ACTN1: variants seen among roughly 807,000 people sequenced by gnomAD.
ACTN1 encodes the protein actinin alpha 1.
A neutral mutation model predicts 119.6 loss-of-function variants in ACTN1; 30 were observed. The ratio of observed to expected loss-of-function variants is 0.25; its 90% CI spans 0.19 to 0.34. The LOEUF is 0.34. Among genes scored for constraint, ACTN1 ranks in the 10% least tolerant of loss-of-function variants. The probability of loss-of-function intolerance (pLI) is 1.00; values close to 1 mark genes in which losing one functional copy is unlikely to be tolerated. For synonymous variants in ACTN1, 429 were observed against 472.6 expected (o/e 0.91, Z 1.20); for missense variants, 764 against 1,223.4 (o/e 0.62, Z 5.60).
At chr14:68,975,229 C>T (rs181120749) in intron 1 of ACTN1, among the ~76,000 whole-genome samples, 11 of 152,298 alleles carry the variant, frequency 7.2e-5, no homozygotes, top group Admixed American at 2.0e-4. Context: ...CACTTGCCAA[C>T]GCTGCCTCTC....
At chr14:68,973,001 G>T (rs2036939784) in intron 1 of ACTN1, among the ~76,000 whole-genome samples, 1 of 152,242 alleles carries the variant, frequency 6.6e-6, no homozygotes, top group African/African-American at 2.4e-5. Context: ...GCCAGTTGGG[G>T]TCATGAACGT....
At position 68,904,833 on chromosome 14, in the gene ACTN1, C is replaced by T. The variant is rs1167935006; in HGVS notation, c.595-97G>A. Reference sequence around the variant, plus strand: ...TGGCCACCCAAACTGGGGAGCAGAGCGACTTTCTCCCAGCCCCAGCTCGAT... The same window carrying T: ...TGGCCACCCAAACTGGGGAGCAGAGTGACTTTCTCCCAGCCCCAGCTCGAT... On this transcript the variant is annotated intron_variant, in intron 6 of 21. Transcript: ENST00000394419. The T allele has an allele frequency of 5.1e-6, 5 of 975,128 alleles. No individual in the cohort carries two copies. In the East Asian group the frequency reaches 7.4e-5, roughly 14 times the overall value. The allele number at this position is 975,128 out of a possible 1,614,324, so 60.4% of individuals were successfully genotyped here.
intron 3 of ACTN1, among the ~76,000 whole-genome samples, chr14:68,919,418 T>TA (rs1274034960): frequency 1.3e-5 from 2 of 152,236 alleles, no homozygotes; most frequent in Non-Finnish European, 2.9e-5. Context: ...CCTGCTTAGT[T>TA]ATAACTTTTT....
At chr14:68,905,061 T>C (rs1384578035) in intron 6 of ACTN1, among the ~76,000 whole-genome samples, 1 of 152,220 alleles carries the variant, frequency 6.6e-6, no homozygotes, top group Non-Finnish European at 1.5e-5. Flanking sequence ...TCACCATCCA[T>C]CCTGGCTTCT....
At chr14:68,955,582 CAG>C (rs1315299472) in intron 1 of ACTN1, among the ~76,000 whole-genome samples, 1 of 152,174 alleles carries the variant, frequency 6.6e-6, no homozygotes, top group African/African-American at 2.4e-5. Flanking sequence ...GGAAACCAAA[CAG>C]AGTTGGGCAG....
At chr14:68,952,899 C>A (rs981317748) in intron 1 of ACTN1, among the ~76,000 whole-genome samples, 2 of 152,110 alleles carry the variant, frequency 1.3e-5, no homozygotes, top group Admixed American at 1.3e-4. Context: ...AAGCAGGGCA[C>A]GGGCAGATTT....
chr14:68,946,610 G>T (rs1191626462), intron 1 of ACTN1, among the ~76,000 whole-genome samples: 3 of 152,092 alleles, frequency 2.0e-5, no homozygotes, highest in Non-Finnish European at 4.4e-5. Flanking sequence ...CCGCGCCTAC[G>T]CTCTGACACC....
At chr14:68,976,798 C>T (rs1360745115) in intron 1 of ACTN1, among the ~76,000 whole-genome samples, 1 of 152,174 alleles carries the variant, frequency 6.6e-6, no homozygotes, top group Admixed American at 6.5e-5. Context: ...AGTCCTTGTT[C>T]GTGCCTGGCA....
chr14:68,890,087 A>G (rs2032356345), intron 11 of ACTN1, 52 bp downstream of exon 11: 4 of 1,592,704 alleles, frequency 2.5e-6, no homozygotes, highest in African/African-American at 2.7e-5. Flanking sequence ...GCTGGGCTGA[A>G]GAGTAGGGAA....
At chr14:68,901,440 G>C (rs144586924) in intron 8 of ACTN1, among the ~76,000 whole-genome samples, 1 of 151,942 alleles carries the variant, frequency 6.6e-6, no homozygotes, top group South Asian at 2.1e-4. Flanking sequence ...TAGAGACGGG[G>C]TTTCACCATG....
chr14:68,922,100 G>A (rs552907375), intron 2 of ACTN1, among the ~76,000 whole-genome samples: 1 of 152,286 alleles, frequency 6.6e-6, no homozygotes, highest in South Asian at 2.1e-4. Context: ...AAGGGGCCAA[G>A]GACCCCAAAA....
At chr14:68,929,250 C>T (rs1200830981) in intron 1 of ACTN1, among the ~76,000 whole-genome samples, 1 of 152,120 alleles carries the variant, frequency 6.6e-6, no homozygotes, top group African/African-American at 2.4e-5. Flanking sequence ...GGTCTTGAGG[C>T]TCAAGCTCCA....
rs1401481345 is a variant in ACTN1, at chr14:68,893,758, G to A, written c.763-11C>T. On this transcript the variant is annotated splice_polypyrimidine_tract_variant and intron_variant, in intron 8 of 21. Coordinates refer to ENST00000394419, the MANE Select transcript of ACTN1 (RefSeq NM_001130004.2). ...GGCTGCTGTCTCCGCCTGGCAACAA[G>A]ACAGAGAGAGTCACGACCAGCCAGC... The A allele has an allele frequency of 2.5e-6, 4 of 1,613,298 alleles. No homozygotes were observed. Among genetic ancestry groups the A allele is most frequent in the Non-Finnish European group, 3.4e-6 (4 of 1,179,892 alleles).
At chr14:68,921,471 C>T (rs772389381) in intron 2 of ACTN1, 1 of 184,970 alleles carries the variant, frequency 5.4e-6, no homozygotes, top group African/African-American at 2.4e-5. Flanking sequence ...TATGTAATTA[C>T]AGTCCAGTAG....
At chr14:68,906,872 C>T (rs1338405339) in intron 6 of ACTN1, among the ~76,000 whole-genome samples, 2 of 152,110 alleles carry the variant, frequency 1.3e-5, no homozygotes, top group African/African-American at 4.8e-5. Context: ...CCTGTAATCC[C>T]AGCTACTTGG....
chr14:68,928,906 G>A (rs2035064260), intron 1 of ACTN1, among the ~76,000 whole-genome samples: 1 of 151,914 alleles, frequency 6.6e-6, no homozygotes, highest in Non-Finnish European at 1.5e-5. Context: ...TTTTGCACCG[G>A]TGCTGGTGTG....
At chr14:68,937,503 C>T (rs564825680) in intron 1 of ACTN1, among the ~76,000 whole-genome samples, 4 of 152,122 alleles carry the variant, frequency 2.6e-5, no homozygotes, top group Non-Finnish European at 4.4e-5. Context: ...CTTTAAAGTG[C>T]CTTATCAGTG....
At chr14:68,977,768 AACC>A (rs2140728674) in intron 1 of ACTN1, 1 of 343,518 alleles carries the variant, frequency 2.9e-6, no homozygotes, top group South Asian at 2.1e-5. Context: ...GCCCAGCCCT[AACC>A]GCACTATCCA....
chr14:68,901,633 A>G (rs2033340223), intron 8 of ACTN1, among the ~76,000 whole-genome samples: 1 of 152,158 alleles, frequency 6.6e-6, no homozygotes, highest in East Asian at 1.9e-4. Context: ...GGTCATGGTG[A>G]TGTTGTGCTT....
Sources: gnomAD v4.1 joint callset for allele counts (sites outside exome capture counted in the v4.1 genomes callset) on GRCh38, gnomAD v4.1.1 for gene constraint, MANE v1.5 for transcripts, NCBI Gene and HGNC (gene_info 2026-07-23, HGNC 2026-07-21) for gene names.